Variants in TIGAR observed in about 807,000 individuals in gnomAD.
TIGAR encodes fructose-2,6-bisphosphatase TIGAR.
TIGAR carries 7 observed loss-of-function variants against 17.9 expected under a neutral mutation model. The ratio of observed to expected loss-of-function variants is 0.39; its 90% CI spans 0.22 to 0.73. TIGAR has a LOEUF of 0.73. TIGAR is among the 30% of genes least tolerant of loss of function. The pLI is 0.42. For missense variants in TIGAR, 258 were observed against 327.4 expected, an observed-to-expected ratio of 0.79 and a Z score of 1.64; for synonymous variants, 94 against 108.6, an observed-to-expected ratio of 0.87 and a Z score of 0.84.
At position 4,335,499 on chromosome 12, in the gene TIGAR, G is replaced by T. The variant is rs577776081; in HGVS notation, c.71-1540G>T. 3.3e-5 allele frequency: 5 copies of T among 152,322 alleles called. No homozygotes were observed. The East Asian group carries it at 9.6e-4, about 29-fold the overall frequency. The allele number at this position is 152,322 out of a possible 1,614,324, so 9.4% of individuals were successfully genotyped here. On this transcript the variant is annotated intron_variant, in intron 2 of 5. Transcript: ENST00000179259. Reference sequence around the variant, plus strand: ...TAGGTCACAAGGGTGCAGCCCTCATGAATGGAATTTATTCAAGAGACACCA... The same window carrying T: ...TAGGTCACAAGGGTGCAGCCCTCATTAATGGAATTTATTCAAGAGACACCA...
chr12:4,346,487 C>G (rs1009766807), intron 3 of TIGAR, among the ~76,000 whole-genome samples: 1 of 152,110 alleles, frequency 6.6e-6, no homozygotes, highest in Non-Finnish European at 1.5e-5. Flanking sequence ...CCATCATTCT[C>G]AGCAAACCAT....
intron 2 of TIGAR, among the ~76,000 whole-genome samples, chr12:4,332,929 CTGCAGTGGCCAGTT>C (rs528730257): frequency 3.0e-4 from 45 of 152,316 alleles, no homozygotes; most frequent in African/African-American, 1.0e-3. Context: ...TAATTTCCTG[CTGCAGTGGCCAGTT>C]TGCCCTTTAA....
At chr12:4,339,136 A>T (rs1864692749) in intron 3 of TIGAR, among the ~76,000 whole-genome samples, 1 of 152,152 alleles carries the variant, frequency 6.6e-6, no homozygotes, top group African/African-American at 2.4e-5. Flanking sequence ...GGTATTTTGA[A>T]AAGATAAAAT....
chr12:4,325,459 A>G (rs1032096308), intron 1 of TIGAR, among the ~76,000 whole-genome samples: 5 of 152,118 alleles, frequency 3.3e-5, no homozygotes, highest in Admixed American at 6.5e-5. Flanking sequence ...TACTTTATAA[A>G]GATCAAAGAC....
At chr12:4,322,847 C>A (rs1413416334) in intron 1 of TIGAR, among the ~76,000 whole-genome samples, 3 of 152,040 alleles carry the variant, frequency 2.0e-5, no homozygotes, top group Admixed American at 6.6e-5. Context: ...TGGGAGAATT[C>A]TTAACTTACT....
chr12:4,325,278 CT>C (rs937240011), intron 1 of TIGAR, among the ~76,000 whole-genome samples: 6 of 137,322 alleles, frequency 4.4e-5, no homozygotes, highest in Middle Eastern at 7.0e-3. Flanking sequence ...ACTGATTTTT[CT>C]TACTGTACTT....
intron 2 of TIGAR, among the ~76,000 whole-genome samples, chr12:4,336,520 T>C (rs1305368487): frequency 6.6e-6 from 1 of 150,670 alleles, no homozygotes; most frequent in Non-Finnish European, 1.5e-5. Context: ...CATTTAGATC[T>C]TTAGTAGGAG....
At chr12:4,332,238 C>CTTTTTTTTTTTT (rs777711454) in intron 2 of TIGAR, among the ~76,000 whole-genome samples, 33 of 95,322 alleles carry the variant, frequency 3.5e-4, no homozygotes, top group Non-Finnish European at 4.4e-4. Flanking sequence ...TCATGTATTT[C>CTTTTTTTTTTTT]TTTTTTTTTT....
chr12:4,348,236 A>G (rs879355528), intron 3 of TIGAR, among the ~76,000 whole-genome samples: 3 of 152,202 alleles, frequency 2.0e-5, no homozygotes, highest in Non-Finnish European at 4.4e-5. Flanking sequence ...GAGATAGCAG[A>G]GAGAATGGGA....
At chr12:4,349,545 G>C (rs1170933834) in intron 3 of TIGAR, among the ~76,000 whole-genome samples, 1 of 151,982 alleles carries the variant, frequency 6.6e-6, no homozygotes, top group African/African-American at 2.4e-5. Context: ...AGCCTCCCGA[G>C]TAGCTGGAAC....
In TIGAR at chr12:4,358,837, C is replaced by A. The variant is rs1193243880; in HGVS notation, c.*6146C>A. Among the ~76,000 whole-genome samples, 1 of 151,494 alleles carries A rather than the reference C, an allele frequency of 6.6e-6. No homozygotes were observed. The highest frequency in any genetic ancestry group is 1.5e-5 in the Non-Finnish European group (1 of 67,940). On this transcript the variant is annotated 3_prime_UTR_variant, in exon 6 of 6. Transcript: ENST00000179259. ...CCGTCTACTCCTTTGCCTTCCTTTG[C>A]CCTTCTTTTTTTCTCCCACCATCTA... is the stretch of plus-strand genomic sequence containing the variant.
chr12:4,333,780 A>G (rs564780906), intron 2 of TIGAR, among the ~76,000 whole-genome samples: 3 of 152,186 alleles, frequency 2.0e-5, no homozygotes, highest in East Asian at 1.9e-4. Context: ...TTGTATTTTT[A>G]GTAGAGACGG....
At chr12:4,329,588 C>T (rs564081823) in intron 1 of TIGAR, among the ~76,000 whole-genome samples, 45 of 152,180 alleles carry the variant, frequency 3.0e-4, no homozygotes, top group East Asian at 1.9e-3. Context: ...CTACCCACCT[C>T]GGACTCCCAA....
rs1864934190 is a variant in TIGAR at position 4,358,309 on chromosome 12, GAAAA to G, written c.*5620_*5623del. 6.7e-6 allele frequency among the ~76,000 whole-genome samples: 1 copy of G among 148,584 alleles called. No individual in the cohort carries two copies. The highest frequency in any genetic ancestry group is 6.7e-5 in the Admixed American group (1 of 14,962). On this transcript the variant is annotated 3_prime_UTR_variant, in exon 6 of 6. Coordinates refer to ENST00000179259, the MANE Select transcript of TIGAR (RefSeq NM_020375.3). ...CTCCAAAAAAAAAAAAAAAGAAAAA[GAAAA>G]ATCACTGAGCTACTGTATCCTCATA...
chr12:4,336,133 A>G (rs537857699), intron 2 of TIGAR, among the ~76,000 whole-genome samples: 1 of 152,346 alleles, frequency 6.6e-6, no homozygotes, highest in East Asian at 1.9e-4. Context: ...TATTTGTTCT[A>G]AATTAGTGGA....
At position 4,352,684 on chromosome 12, in the gene TIGAR, C is replaced by T. The variant is rs546456108; in HGVS notation, c.806C>T (p.Thr269Ile). ...GATCATCTAAATGGACTGACTGAAA[C>T]TCGCTAAGGTTAAATCTGCATCAAA... ...LQDHLNGLTE[T>I]R Residue 269 changes from threonine (T) to isoleucine (I), a missense_variant, in exon 6 of 6, where the codon ACT (threonine) becomes ATT (isoleucine). Thr to Ile is a moderately conservative substitution (Grantham distance 89). Transcript: ENST00000179259. 6.3e-7 allele frequency: 1 copy of T among 1,599,622 alleles called. No homozygotes were observed. The highest frequency in any genetic ancestry group is 2.2e-5 in the East Asian group (1 of 44,852).
chr12:4,322,442 G>A (rs184880716), intron 1 of TIGAR, among the ~76,000 whole-genome samples: 10 of 152,334 alleles, frequency 6.6e-5, no homozygotes, highest in African/African-American at 2.4e-4. Flanking sequence ...TGGGGGACAG[G>A]TAAAGTGTAT....
intron 3 of TIGAR, among the ~76,000 whole-genome samples, chr12:4,343,333 A>C (rs1158206579): frequency 6.6e-6 from 1 of 152,206 alleles, no homozygotes; most frequent in Admixed American, 6.5e-5. Flanking sequence ...AACAAGACAG[A>C]AAGTTAAAAG....
At chr12:4,337,593 ATT>A (rs1864673975) in intron 3 of TIGAR, among the ~76,000 whole-genome samples, 1 of 152,206 alleles carries the variant, frequency 6.6e-6, no homozygotes, top group Non-Finnish European at 1.5e-5. Flanking sequence ...AACAGAACTT[ATT>A]TATTTTAATT....
Sources: allele counts gnomAD v4.1 joint callset (sites outside exome capture counted in the v4.1 genomes callset), GRCh38; gene constraint gnomAD v4.1.1; transcripts MANE v1.5; gene names NCBI Gene and HGNC (gene_info 2026-07-23, HGNC 2026-07-21).